Variants in ZNF726 observed in about 807,000 individuals in gnomAD.
ZNF726 encodes zinc finger protein 726, also known as zinc finger protein 92 pseudogene 3.
ZNF726 carries 15 observed loss-of-function variants against 11.6 expected under a neutral mutation model. The ratio of observed to expected loss-of-function variants is 1.29; its 90% confidence interval spans 0.86 to 1.99. The LOEUF (loss-of-function observed/expected upper bound fraction) is 1.99. Among genes scored for constraint, ZNF726 ranks in the 30% most tolerant of loss-of-function variants. The pLI, the probability that ZNF726 is intolerant of heterozygous loss-of-function variation, is 0.00. For missense variants in ZNF726, 890 were observed against 725.6 expected, an observed-to-expected ratio of 1.23 and a Z score of -2.60; for synonymous variants, 295 against 243.6, an observed-to-expected ratio of 1.21 and a Z score of -1.96.
At chr19:23,938,285 A>T (rs957429704), downstream of ZNF726, among the ~76,000 whole-genome samples, 7 of 152,338 alleles carry the variant, frequency 4.6e-5, no homozygotes, top group Non-Finnish European at 8.8e-5. Flanking sequence ...CAGGCATGTG[A>T]TATATAATCT....
chr19:23,918,418 A>G (rs1967757478), intron 1 of ZNF726, among the ~76,000 whole-genome samples: 1 of 152,216 alleles, frequency 6.6e-6, no homozygotes. Context: ...GGTGCTAAAA[A>G]AAGGCCACTT....
At chr19:23,921,104 TG>T (rs1346086034) in intron 3 of ZNF726, 1 of 152,152 alleles carries the variant, frequency 6.6e-6, no homozygotes, top group Middle Eastern at 3.2e-3. Flanking sequence ...GAGACCAGCC[TG>T]GCCAACATGG....
intron 1 of ZNF726, among the ~76,000 whole-genome samples, chr19:23,918,864 G>A (rs1448735742): frequency 6.6e-6 from 1 of 151,684 alleles, no homozygotes; most frequent in African/African-American, 2.4e-5. Context: ...TAGTCTTTTG[G>A]GGCCAAAACA....
intron 3 of ZNF726, chr19:23,929,280 C>A (rs1968053955): frequency 6.6e-6 from 1 of 152,042 alleles, no homozygotes; most frequent in Non-Finnish European, 1.5e-5. Context: ...ATATTATCTT[C>A]ATAATCATCT....
rs912778106 is a variant in ZNF726, at chr19:23,919,291, C to T, written c.4-82C>T. On this transcript the variant is annotated intron_variant, in intron 1 of 3. Coordinates refer to ENST00000594466, the MANE Select transcript of ZNF726 (RefSeq NM_001244038.2). Reference sequence around the variant, plus strand: ...TATAAGTTAGAATCAATTCTATTCACTTTCTGATTTTACCTTGAGTCAAAT... The same window carrying T: ...TATAAGTTAGAATCAATTCTATTCATTTTCTGATTTTACCTTGAGTCAAAT... The T allele has an allele frequency of 9.6e-6, 15 of 1,565,108 alleles. No homozygotes were observed. The South Asian group carries it at 1.4e-4, about 14-fold the overall frequency.
intron 3 of ZNF726, among the ~76,000 whole-genome samples, chr19:23,929,642 A>G (rs1221166659): frequency 6.6e-6 from 1 of 152,248 alleles, no homozygotes; most frequent in East Asian, 1.9e-4. Flanking sequence ...ATCATCTTAA[A>G]AAATGGAGTT....
intron 2 of ZNF726, 180 bp from the exon 3 acceptor site, chr19:23,919,807 T>C (rs982634077): frequency 2.2e-5 from 10 of 463,764 alleles, no homozygotes; most frequent in South Asian, 1.3e-4. Context: ...TACCAGGCAG[T>C]GAAATTAAGA....
intron 3 of ZNF726, among the ~76,000 whole-genome samples, chr19:23,926,273 G>A (rs1967984926): frequency 6.6e-6 from 1 of 152,110 alleles, no homozygotes; most frequent in South Asian, 2.1e-4. Context: ...GAAGTTATCC[G>A]GTCGGGTGCG....
intron 1 of ZNF726, among the ~76,000 whole-genome samples, chr19:23,916,478 C>T (rs1967702634): frequency 6.6e-6 from 1 of 152,212 alleles, no homozygotes; most frequent in East Asian, 1.9e-4. Context: ...TTACAGATGC[C>T]TGGCACCACG....
chr19:23,932,276 G>C, intron 3 of ZNF726, 67 bp from the exon 4 acceptor site: 1 of 1,153,856 alleles, frequency 8.7e-7, no homozygotes, highest in Non-Finnish European at 1.1e-6. Context: ...AATTTTATAG[G>C]TAAGATTTTT....
downstream of ZNF726, among the ~76,000 whole-genome samples, chr19:23,937,460 T>C (rs548491397): frequency 2.1e-5 from 3 of 145,296 alleles, no homozygotes; most frequent in Admixed American, 2.0e-4. Flanking sequence ...GGCTCCTCAC[T>C]TCTCAGACGG....
At chr19:23,937,063 C>T (rs549030446), downstream of ZNF726, among the ~76,000 whole-genome samples, 412 of 150,236 alleles carry the variant, frequency 2.7e-3, 1 homozygote, top group African/African-American at 9.2e-3. Context: ...ACCTCCCGAA[C>T]GGGGCGGCTG....
intron 1 of ZNF726, among the ~76,000 whole-genome samples, chr19:23,917,499 A>G (rs1967731170): frequency 1.3e-5 from 2 of 152,248 alleles, no homozygotes; most frequent in Admixed American, 6.5e-5. Flanking sequence ...AAAAGAAAAA[A>G]AAAAAAAATC....
rs1360562002 is a variant in ZNF726 at position 23,920,041 on chromosome 19, C to T, written c.185C>T (p.Pro62Leu). The change falls in exon 3 of 4, where the codon CCC becomes CTC. Residue 62 changes from proline to leucine, a missense_variant. Physicochemically the swap from Pro to Leu is moderately conservative, Grantham distance 98. Coordinates refer to ENST00000594466, the MANE Select transcript of ZNF726 (RefSeq NM_001244038.2). ...LIICLEKEKE[P>L]WNMKRDEMVD... ...ATCTGTCTGGAGAAAGAAAAAGAGC[C>T]CTGGAATATGAAGCGAGATGAGATG... 4.4e-6 allele frequency: 7 copies of T among 1,590,702 alleles called. No individual in the cohort carries two copies. Among genetic ancestry groups the T allele is most frequent in the Non-Finnish European group, 6.0e-6 (7 of 1,166,496 alleles).
intron 3 of ZNF726, chr19:23,943,474 AC>A: frequency 1.7e-6 from 1 of 591,514 alleles, no homozygotes; most frequent in Non-Finnish European, 3.1e-6. Context: ...AAGTCATATT[AC>A]TTTTTTCTAA....
At position 23,939,862 on chromosome 19, in the gene ZNF726, A is replaced by ATTTT. The variant is rs374902806; in HGVS notation, c.227-3615_227-3612dup. ...TGTCTTTGGCCCACTTTTTGATGGG[A>ATTTT]TTTTTTTTTTTTTTTTTTTTCTGAC... On this transcript the variant is annotated intron_variant, in intron 3 of 4. Coordinates refer to the ZNF726 transcript ENST00000334589. Among the ~76,000 whole-genome samples the ATTTT allele has an allele frequency of 9.4e-4, 82 of 87,110 alleles. 3 individuals are homozygous for ATTTT. Among genetic ancestry groups the ATTTT allele is most frequent in the African/African-American group, 1.2e-3 (27 of 21,778 alleles). The allele number at this position is 87,110 out of a possible 152,430, so 57.1% of individuals were successfully genotyped here. A position where few individuals can be genotyped will look rare whatever the true frequency, so the allele number is the denominator to read the frequency against.
chr19:23,937,591 GCC>G (rs1491540600), downstream of ZNF726, among the ~76,000 whole-genome samples: 12 of 139,474 alleles, frequency 8.6e-5, no homozygotes, highest in East Asian at 8.5e-4. Flanking sequence ...TGGGATGGCG[GCC>G]GGGAAGAGGC....
At chr19:23,942,685 TG>T (rs1044660557) in intron 3 of ZNF726, among the ~76,000 whole-genome samples, 1 of 152,218 alleles carries the variant, frequency 6.6e-6, no homozygotes, top group Non-Finnish European at 1.5e-5. Context: ...GTTTCCCTGT[TG>T]GATCAGGCCA....
At position 23,932,933 on chromosome 19, in the gene ZNF726, A is replaced by T; in HGVS notation, c.817A>T (p.Thr273Ser). 1 of 1,611,402 alleles carries T rather than the reference A, an allele frequency of 6.2e-7. No individual in the cohort carries two copies. Among genetic ancestry groups the T allele is most frequent in the Non-Finnish European group, 8.5e-7 (1 of 1,179,396 alleles). Residue 273 changes from threonine (T) to serine (S), a missense_variant, in exon 4 of 4, where the codon ACC (threonine) becomes TCC (serine). Transcript: ENST00000594466. ...AGCATTTAGCCAATCCTCAACACTA[A>T]CCATACATAAGAGGATACATACTGG... ...GKAFSQSSTL[T>S]IHKRIHTGEK...
Sources: allele counts gnomAD v4.1 joint callset (sites outside exome capture counted in the v4.1 genomes callset), GRCh38; gene constraint gnomAD v4.1.1; transcripts MANE v1.5; gene names NCBI Gene and HGNC (gene_info 2026-07-23, HGNC 2026-07-21).